The following ANKAR variants were observed in gnomAD, a reference collection of about 807,000 sequenced individuals.
ANKAR encodes the protein ankyrin and armadillo repeat containing.
A neutral mutation model predicts 146.2 loss-of-function variants in ANKAR; 136 were observed. The observed-to-expected ratio is 0.93, with a 90% CI of 0.81 to 1.07. The LOEUF (loss-of-function observed/expected upper bound fraction) is 1.07. Among genes scored for constraint, ANKAR ranks in the 50% least tolerant of loss-of-function variants. The pLI is 0.00. For synonymous variants in ANKAR, 500 were observed against 575.8 expected, an observed-to-expected ratio of 0.87 and a Z score of 1.88; for missense variants, 1,567 against 1,679.9, an observed-to-expected ratio of 0.93 and a Z score of 1.18.
Position 189,730,534 on chromosome 2 carries a change from T to C in ANKAR, c.3233T>C (p.Val1078Ala), listed in dbSNP as rs2042312923. The C allele has an allele frequency of 1.2e-6, 2 of 1,605,098 alleles. No individual in the cohort carries two copies. Among genetic ancestry groups the C allele is most frequent in the Non-Finnish European group, 1.7e-6 (2 of 1,174,960 alleles). Residue 1078 changes from valine to alanine, a missense_variant, in exon 16 of 23, where the codon GTT becomes GCT. By Grantham distance (64) the Val-to-Ala change is moderately conservative. Transcript: ENST00000684021. ...HTSNPVSQQL[V>A]VDENAFPVLI... ...AGCAATCCTGTCAGTCAACAATTGG[T>C]TGTAGATGAAAATGCCTTTCCAGTA...
rs771938283 is a variant in ANKAR at position 189,689,908 on chromosome 2, G to A, written c.983G>A (p.Ser328Asn). The A allele has an allele frequency of 6.4e-6, 10 of 1,554,282 alleles. No individual in the cohort carries two copies. The East Asian group carries it at 2.1e-4, about 32-fold the overall frequency. Residue 328 changes from serine (S) to asparagine (N), a missense_variant, in exon 3 of 23, where the codon AGT (serine) becomes AAT (asparagine). By Grantham distance (46) the Ser-to-Asn change is conservative. Transcript: ENST00000684021. Reference sequence around the variant, plus strand: ...TGTTTTCTGATTCCATTTCTACTGAGTTTAAAGAAGAAAATGAAAGTTCCA... The same window carrying A: ...TGTTTTCTGATTCCATTTCTACTGAATTTAAAGAAGAAAATGAAAGTTCCA... ...LICFLIPFLLSLKKKMKVPYL... is the reference protein window; with the variant it reads ...LICFLIPFLLNLKKKMKVPYL...
At chr2:189,677,807 G>GGCCACCACGTATTCTTTATCTACTCATT (rs2033977596) in intron 2 of ANKAR, among the ~76,000 whole-genome samples, 4 of 151,716 alleles carry the variant, frequency 2.6e-5, no homozygotes, top group Non-Finnish European at 4.4e-5. Context: ...CACTGCACCT[G>GGCCACCACGTATTCTTTATCTACTCATT]GCCACCACGT....
intron 20 of ANKAR, among the ~76,000 whole-genome samples, chr2:189,742,330 A>G (rs1032938492): frequency 4.6e-5 from 7 of 152,158 alleles, no homozygotes; most frequent in Non-Finnish European, 1.0e-4. Context: ...ATAAAGACCA[A>G]TATGTTCATT....
chr2:189,715,116 A>G (rs1254629321), intron 10 of ANKAR, among the ~76,000 whole-genome samples: 3 of 152,256 alleles, frequency 2.0e-5, no homozygotes, highest in African/African-American at 7.2e-5. Context: ...AGATAGAGAC[A>G]CAAAAAACCT....
At chr2:189,682,975 A>C (rs562585485) in intron 2 of ANKAR, among the ~76,000 whole-genome samples, 25 of 152,342 alleles carry the variant, frequency 1.6e-4, no homozygotes, top group African/African-American at 5.8e-4. Flanking sequence ...TGGCATTAGG[A>C]CATGGGACCA....
intron 7 of ANKAR, among the ~76,000 whole-genome samples, chr2:189,696,809 A>G (rs182954676): frequency 6.6e-6 from 1 of 152,346 alleles, no homozygotes; most frequent in African/African-American, 2.4e-5. Context: ...TATGACTGTC[A>G]GGTCCCAGTA....
At chr2:189,762,725 C>T (rs1037348515), downstream of ANKAR, 5 of 985,314 alleles carry the variant, frequency 5.1e-6, no homozygotes, top group African/African-American at 1.7e-5. Context: ...GTCTCCTTTC[C>T]CTACTAAAGA....
chr2:189,755,342 T>A, intron 18 of ANKAR: 1 of 1,613,478 alleles, frequency 6.2e-7, no homozygotes, highest in South Asian at 1.1e-5. Flanking sequence ...AGCCTCCATA[T>A]GATGAATGGG....
intron 6 of ANKAR, among the ~76,000 whole-genome samples, chr2:189,695,569 A>C (rs1387085285): frequency 3.9e-5 from 6 of 152,180 alleles, no homozygotes; most frequent in Non-Finnish European, 8.8e-5. Context: ...GGGAACTAAA[A>C]CCTAAAGAGC....
At chr2:189,716,028 C>T (rs2040418245) in intron 10 of ANKAR, among the ~76,000 whole-genome samples, 1 of 152,166 alleles carries the variant, frequency 6.6e-6, no homozygotes, top group Non-Finnish European at 1.5e-5. Flanking sequence ...AAAACTGGCA[C>T]AAGACAGGGA....
At chr2:189,752,662 T>C (rs769668602) in intron 18 of ANKAR, 3 of 1,613,758 alleles carry the variant, frequency 1.9e-6, no homozygotes, top group South Asian at 1.1e-5. Flanking sequence ...CTTTGGTTCA[T>C]AGCGGATGCC....
At chr2:189,735,914 A>C (rs1257843929) in intron 17 of ANKAR, among the ~76,000 whole-genome samples, 1 of 152,246 alleles carries the variant, frequency 6.6e-6, no homozygotes, top group Non-Finnish European at 1.5e-5. Flanking sequence ...GAGCATAATT[A>C]ACAGGCACTC....
intron 10 of ANKAR, among the ~76,000 whole-genome samples, chr2:189,715,482 G>A (rs2438282): frequency 0.98 from 149,481 of 152,318 alleles, 73,408 homozygotes; most frequent in South Asian, 1. Context: ...AGGACCAGAC[G>A]GATTCACAGC....
At chr2:189,690,616 G>A (rs2036244514) in intron 3 of ANKAR, among the ~76,000 whole-genome samples, 1 of 152,122 alleles carries the variant, frequency 6.6e-6, no homozygotes, top group Admixed American at 6.5e-5. Flanking sequence ...ATTATAATGG[G>A]CTTTCTATTC....
At position 189,705,888 on chromosome 2, in the gene ANKAR, TG is replaced by T. The variant is rs2038864641; in HGVS notation, c.1910+665del. The stretch of plus-strand genomic sequence containing the variant: ...AGGCCAGGTCATTACTTTGGATCTC[TG>T]AACCTGATTTAGGCATAGTTTCATT... On this transcript the variant is annotated intron_variant, in intron 8 of 22. Coordinates refer to ENST00000684021, the MANE Select transcript of ANKAR (RefSeq NM_001378068.1). 5.9e-5 allele frequency among the ~76,000 whole-genome samples: 9 copies of T among 152,208 alleles called. No homozygotes were observed. The South Asian group carries it at 1.9e-3, about 32-fold the overall frequency.
intron 2 of ANKAR, among the ~76,000 whole-genome samples, chr2:189,687,666 A>C (rs1181520845): frequency 6.6e-6 from 1 of 152,180 alleles, no homozygotes; most frequent in East Asian, 1.9e-4. Context: ...AACTGGGGTA[A>C]GATGATATCT....
At position 189,676,534 on chromosome 2, in the gene ANKAR, T is replaced by C. The variant is rs1488226899; in HGVS notation, c.44T>C (p.Val15Ala). 1 of 1,587,464 alleles carries C rather than the reference T, an allele frequency of 6.3e-7. No individual in the cohort carries two copies. Among genetic ancestry groups the C allele is most frequent in the East Asian group, 2.2e-5 (1 of 44,518 alleles). ...AAAGGATTACCTAGATTTGAGCAAG[T>C]TCAGGATGAAGACACCTACCTGGAA... The part of the protein sequence containing the change: ...PKKGLPRFEQ[V>A]QDEDTYLENL... The change falls in exon 2 of 23, where the codon GTT becomes GCT. Residue 15 changes from valine to alanine, a missense_variant. Physicochemically the swap from Val to Ala is moderately conservative, Grantham distance 64. Coordinates refer to ENST00000684021, the MANE Select transcript of ANKAR (RefSeq NM_001378068.1).
chr2:189,708,329 CTAT>C (rs1163994425), intron 9 of ANKAR, among the ~76,000 whole-genome samples: 3 of 152,122 alleles, frequency 2.0e-5, no homozygotes, highest in Non-Finnish European at 2.9e-5. Context: ...TTGTTGTAAT[CTAT>C]TATTAGTTAT....
At chr2:189,742,064 G>C (rs1225103) in intron 20 of ANKAR, among the ~76,000 whole-genome samples, 1,839 of 152,294 alleles carry the variant, frequency 0.012, 44 homozygotes, top group African/African-American at 0.042. Flanking sequence ...GCTGGTCACA[G>C]CAGTGGCTTG....
Sources: gnomAD v4.1 joint callset for allele counts (sites outside exome capture counted in the v4.1 genomes callset) on GRCh38, gnomAD v4.1.1 for gene constraint, MANE v1.5 for transcripts, NCBI Gene and HGNC (gene_info 2026-07-23, HGNC 2026-07-21) for gene names.